The following SDHAF3 variants were observed in gnomAD, a reference collection of about 807,000 sequenced individuals.
SDHAF3 encodes succinate dehydrogenase assembly factor 3, mitochondrial.
In SDHAF3, 18 loss-of-function variants were observed where a neutral mutation model predicts 11.5. The ratio of observed to expected loss-of-function variants is 1.56; its 90% CI spans 1.08 to 2.32. The LOEUF (loss-of-function observed/expected upper bound fraction) is 2.32, where lower values mean the gene tolerates loss of function less well. Ranked by LOEUF, SDHAF3 falls within the 30% of genes most tolerant of loss-of-function variation. SDHAF3 has a pLI of 0.00. For missense variants in SDHAF3, 200 were observed against 154.4 expected (o/e 1.30, Z -1.57); for synonymous variants, 72 against 59.3 (o/e 1.21, Z -0.99).
At chr7:97,146,955 A>T (rs1383682796) in intron 1 of SDHAF3, among the ~76,000 whole-genome samples, 1 of 151,948 alleles carries the variant, frequency 6.6e-6, no homozygotes, top group East Asian at 1.9e-4. Flanking sequence ...GTTAGCCAGG[A>T]TAGTCTTGAT....
chr7:97,133,251 T>C (rs1791696729), intron 1 of SDHAF3, among the ~76,000 whole-genome samples: 1 of 152,238 alleles, frequency 6.6e-6, no homozygotes, highest in Non-Finnish European at 1.5e-5. Flanking sequence ...AGACTTTATG[T>C]ACATTTATGT....
intron 1 of SDHAF3, among the ~76,000 whole-genome samples, chr7:97,132,648 TATGTTTTA>T (rs2115640664): frequency 6.6e-6 from 1 of 152,304 alleles, no homozygotes; most frequent in African/African-American, 2.4e-5. Flanking sequence ...CTTTTTCCCC[TATGTTTTA>T]TAGAAGGTGA....
intron 1 of SDHAF3, among the ~76,000 whole-genome samples, chr7:97,121,133 T>C (rs1791485330): frequency 6.6e-6 from 1 of 152,196 alleles, no homozygotes; most frequent in Non-Finnish European, 1.5e-5. Flanking sequence ...TCTCAACTCT[T>C]AGGAGGTAAC....
intron 1 of SDHAF3, among the ~76,000 whole-genome samples, chr7:97,177,004 C>A (rs1789688845): frequency 6.6e-6 from 1 of 151,726 alleles, no homozygotes; most frequent in Admixed American, 6.6e-5. Context: ...TGTTTCCATG[C>A]TTGTTTTTAT....
rs373469852 is a variant in SDHAF3, at chr7:97,117,714, G to T, written c.-10G>T. The T allele has an allele frequency of 7.5e-6, 12 of 1,609,154 alleles. No homozygotes were observed. Among genetic ancestry groups the T allele is most frequent in the Non-Finnish European group, 1.0e-5 (12 of 1,177,394 alleles). ...TGCGCAGGCGCAGTCGGCGGTCGGC[G>T]TGGGGCGCTATGCCGGGGCGGCACG... On this transcript the variant is annotated 5_prime_UTR_variant, in exon 1 of 2. Transcript: ENST00000432641.
At chr7:97,170,478 A>G (rs1562831330) in intron 1 of SDHAF3, among the ~76,000 whole-genome samples, 1 of 152,160 alleles carries the variant, frequency 6.6e-6, no homozygotes, top group Non-Finnish European at 1.5e-5. Flanking sequence ...AATTTCATAA[A>G]CAAGAATGTG....
chr7:97,161,321 C>G (rs1789405901), intron 1 of SDHAF3, among the ~76,000 whole-genome samples: 1 of 152,172 alleles, frequency 6.6e-6, no homozygotes, highest in Non-Finnish European at 1.5e-5. Flanking sequence ...ACTACCCCAT[C>G]ATAAGTCAGC....
chr7:97,157,341 A>G (rs1484515349), intron 1 of SDHAF3, among the ~76,000 whole-genome samples: 1 of 152,182 alleles, frequency 6.6e-6, no homozygotes, highest in Non-Finnish European at 1.5e-5. Flanking sequence ...GGTGGGTTGT[A>G]TATTGGAATT....
intron 1 of SDHAF3, among the ~76,000 whole-genome samples, chr7:97,126,376 G>A (rs1457275994): frequency 2.6e-5 from 4 of 152,320 alleles, no homozygotes; most frequent in Non-Finnish European, 4.4e-5. Context: ...CTTCAGAGCC[G>A]TCAGGCAGGA....
intron 1 of SDHAF3, among the ~76,000 whole-genome samples, chr7:97,173,578 ACTCT>A (rs10538366): frequency 0.016 from 2,296 of 147,136 alleles, 57 homozygotes; most frequent in African/African-American, 0.051. Context: ...TGAGAGTCTC[ACTCT>A]CTCTCTCTCA....
chr7:97,162,633 T>C (rs1208405412), intron 1 of SDHAF3, among the ~76,000 whole-genome samples: 1 of 152,216 alleles, frequency 6.6e-6, no homozygotes, highest in Non-Finnish European at 1.5e-5. Flanking sequence ...ATTTCTGGCT[T>C]CATTTTGTTA....
chr7:97,136,477 A>G, intron 1 of SDHAF3: 1 of 634,414 alleles, frequency 1.6e-6, no homozygotes, highest in Non-Finnish European at 2.9e-6. Flanking sequence ...AGTAAGTAAG[A>G]CCTGCCAGAT....
chr7:97,131,274 A>G lies in SDHAF3; in HGVS notation c.174+13377A>G, dbSNP rs147813859. On this transcript the variant is annotated intron_variant, in intron 1 of 1. Coordinates refer to ENST00000432641, the MANE Select transcript of SDHAF3 (RefSeq NM_020186.3). ...AGTTTTTATATTTTTCCTGAGGGAA[A>G]AGATATCTTCTTAATCATCTTTTTA... is the stretch of plus-strand genomic sequence containing the variant. 8.7e-3 allele frequency among the ~76,000 whole-genome samples: 1,331 copies of G among 152,316 alleles called. 16 individuals are homozygous for G. Among genetic ancestry groups the G allele is most frequent in the African/African-American group, 0.026 (1,091 of 41,564 alleles).
chr7:97,145,535 G>A (rs1262714165), intron 1 of SDHAF3, among the ~76,000 whole-genome samples: 1 of 152,062 alleles, frequency 6.6e-6, no homozygotes, highest in Non-Finnish European at 1.5e-5. Context: ...ATTTTTCTTA[G>A]TAAGTTTAAG....
At chr7:97,135,668 G>GTGTGTA (rs1491487810) in intron 1 of SDHAF3, 2 of 63,916 alleles carry the variant, frequency 3.1e-5, no homozygotes, top group Non-Finnish European at 5.3e-5. Context: ...GTGTGTGTGT[G>GTGTGTA]TATATATATA....
intron 1 of SDHAF3, among the ~76,000 whole-genome samples, chr7:97,133,490 G>A (rs1007964734): frequency 2.6e-5 from 4 of 152,130 alleles, no homozygotes; most frequent in East Asian, 1.9e-4. Context: ...GATTATTTTT[G>A]TGGGTCCTAC....
rs560000811 is a variant in SDHAF3 at position 97,172,584 on chromosome 7, T to C, written c.175-8428T>C. Among the ~76,000 whole-genome samples, 12 of 152,314 alleles carry C rather than the reference T, an allele frequency of 7.9e-5. No individual in the cohort carries two copies. The South Asian group carries it at 2.5e-3, about 32-fold the overall frequency. On this transcript the variant is annotated intron_variant, in intron 1 of 1. Coordinates refer to ENST00000432641, the MANE Select transcript of SDHAF3 (RefSeq NM_020186.3). ...AATCTCAATTTTTGTATGTCAGTTA[T>C]ATAAGGAATTTTATGCCACTTTGGT...
intron 1 of SDHAF3, among the ~76,000 whole-genome samples, chr7:97,159,751 G>A (rs1278062431): frequency 1.3e-5 from 2 of 152,166 alleles, no homozygotes; most frequent in African/African-American, 2.4e-5. Flanking sequence ...AAAAAGCCAC[G>A]AAACTGTCCT....
intron 1 of SDHAF3, among the ~76,000 whole-genome samples, chr7:97,151,673 G>A (rs1057384742): frequency 2.6e-5 from 4 of 151,796 alleles, no homozygotes; most frequent in African/African-American, 9.7e-5. Context: ...TAATTTTTTT[G>A]TATTTTTAGT....
Sources: gnomAD v4.1 joint callset for allele counts (sites outside exome capture counted in the v4.1 genomes callset) on GRCh38, gnomAD v4.1.1 for gene constraint, MANE v1.5 for transcripts, NCBI Gene and HGNC (gene_info 2026-07-23, HGNC 2026-07-21) for gene names.